The following SLC25A13 variants were observed in gnomAD, a reference collection of about 807,000 sequenced individuals.
The protein encoded by SLC25A13 is electrogenic aspartate/glutamate antiporter SLC25A13, mitochondrial.
A neutral mutation model predicts 85.5 loss-of-function variants in SLC25A13; 70 were observed. That is an observed-to-expected ratio of 0.82 (90% CI 0.68 to 1.00). The LOEUF (loss-of-function observed/expected upper bound fraction) is 1.00, where lower values mean the gene tolerates loss of function less well. Ranked by LOEUF, SLC25A13 falls within the 50% of genes least tolerant of loss-of-function variation. The pLI is 0.00. For synonymous variants in SLC25A13, 259 were observed against 288.7 expected (o/e 0.90, Z 1.04); for missense variants, 765 against 819.8 (o/e 0.93, Z 0.82).
chr7:96,230,244 T>C (rs12666465), intron 4 of SLC25A13, among the ~76,000 whole-genome samples: 82,726 of 152,100 alleles, frequency 0.54, 23,805 homozygotes, highest in Non-Finnish European at 0.63. Context: ...ACATTCTATA[T>C]AGTTCCAATT....
At chr7:96,223,309 A>G (rs1440190542) in intron 4 of SLC25A13, among the ~76,000 whole-genome samples, 1 of 152,268 alleles carries the variant, frequency 6.6e-6, no homozygotes, top group Admixed American at 6.5e-5. Context: ...CACGTAAAAC[A>G]TATTTCATGA....
chr7:96,121,797 C>G, intron 16 of SLC25A13, 42 bp downstream of exon 16: 1 of 1,614,020 alleles, frequency 6.2e-7, no homozygotes, highest in South Asian at 1.1e-5. Flanking sequence ...TAAAAATTTA[C>G]CTGATACCAA....
chr7:96,291,290 A>C (rs193177363), intron 2 of SLC25A13, among the ~76,000 whole-genome samples: 2,022 of 152,246 alleles, frequency 0.013, 40 homozygotes, highest in African/African-American at 0.047. Context: ...GTGTGTAGAG[A>C]GAAATCTATA....
intron 3 of SLC25A13, among the ~76,000 whole-genome samples, chr7:96,272,952 T>C (rs1012163586): frequency 6.6e-6 from 1 of 152,204 alleles, no homozygotes; most frequent in African/African-American, 2.4e-5. Flanking sequence ...AATATCCATG[T>C]GATCTTGACA....
chr7:96,186,665 A>G (rs1007334090), intron 9 of SLC25A13, among the ~76,000 whole-genome samples: 5 of 152,226 alleles, frequency 3.3e-5, no homozygotes, highest in South Asian at 4.1e-4. Flanking sequence ...TGATACTGTA[A>G]AAGAATATTT....
chr7:96,241,086 GAAA>G (rs1325497766), intron 3 of SLC25A13, among the ~76,000 whole-genome samples: 7 of 144,810 alleles, frequency 4.8e-5, no homozygotes, highest in Middle Eastern at 3.6e-3. Flanking sequence ...AAGAAAGAAA[GAAA>G]GAAAGAAAGA....
At chr7:96,305,759 T>A (rs1235990526) in intron 1 of SLC25A13, among the ~76,000 whole-genome samples, 1 of 152,152 alleles carries the variant, frequency 6.6e-6, no homozygotes, top group African/African-American at 2.4e-5. Flanking sequence ...AAAAGCTAAT[T>A]TAATAAATAC....
chr7:96,261,607 T>C (rs554861614), intron 3 of SLC25A13, among the ~76,000 whole-genome samples: 1 of 152,326 alleles, frequency 6.6e-6, no homozygotes, highest in African/African-American at 2.4e-5. Flanking sequence ...TTAAAATCTC[T>C]GAATCTCACT....
chr7:96,204,195 G>A (rs935651843), intron 5 of SLC25A13, among the ~76,000 whole-genome samples: 2 of 152,132 alleles, frequency 1.3e-5, no homozygotes, highest in Non-Finnish European at 2.9e-5. Context: ...TAGGTTATTG[G>A]GAGGATGCTA....
chr7:96,132,944 C>T (rs139081901), intron 14 of SLC25A13, among the ~76,000 whole-genome samples: 3 of 152,150 alleles, frequency 2.0e-5, no homozygotes, highest in Non-Finnish European at 2.9e-5. Context: ...TTTCCTGACA[C>T]GCACATTTCA....
At chr7:96,253,706 C>G (rs1041390186) in intron 3 of SLC25A13, among the ~76,000 whole-genome samples, 1 of 152,080 alleles carries the variant, frequency 6.6e-6, no homozygotes, top group Non-Finnish European at 1.5e-5. Context: ...GCAGGGAATG[C>G]AGAACATAGG....
At chr7:96,172,108 A>T (rs1584407105) in intron 11 of SLC25A13, among the ~76,000 whole-genome samples, 1 of 152,106 alleles carries the variant, frequency 6.6e-6, no homozygotes, top group African/African-American at 2.4e-5. Flanking sequence ...AAGAAAGTCC[A>T]CTCACAGCCT....
chr7:96,153,898 T>C (rs1046919741), intron 13 of SLC25A13, among the ~76,000 whole-genome samples: 11 of 152,210 alleles, frequency 7.2e-5, no homozygotes, highest in Non-Finnish European at 1.5e-4. Context: ...ACATGAAATA[T>C]ATAGGATCAA....
At chr7:96,287,428 T>C (rs991444506) in intron 2 of SLC25A13, among the ~76,000 whole-genome samples, 10 of 152,158 alleles carry the variant, frequency 6.6e-5, no homozygotes, top group Non-Finnish European at 1.3e-4. Flanking sequence ...TCCCCATTTA[T>C]ACCAAAGATT....
At chr7:96,176,563 G>A (rs1794230506) in intron 11 of SLC25A13, among the ~76,000 whole-genome samples, 1 of 152,176 alleles carries the variant, frequency 6.6e-6, no homozygotes, top group South Asian at 2.1e-4. Context: ...TTCATGGGTT[G>A]GAGATATAAA....
chr7:96,206,025 G>C (rs954561407), intron 5 of SLC25A13, among the ~76,000 whole-genome samples: 2 of 152,194 alleles, frequency 1.3e-5, no homozygotes, highest in African/African-American at 4.8e-5. Context: ...ATAAGCACAG[G>C]TAATGTGCTG....
rs1018389121 is a variant in SLC25A13, at chr7:96,257,915, G to A, written c.212+19281C>T. On this transcript the variant is annotated intron_variant, in intron 3 of 17. Coordinates refer to ENST00000265631, the MANE Select transcript of SLC25A13 (RefSeq NM_014251.3). ...GGGATGCAAGGCTGGTTCAACATAC[G>A]TGATAATCAATAAACGTAATTCATC... 3.0e-4 allele frequency among the ~76,000 whole-genome samples: 45 copies of A among 152,130 alleles called. 1 individual carries two copies. Among genetic ancestry groups the A allele is most frequent in the African/African-American group, 8.7e-4 (36 of 41,526 alleles).
intron 4 of SLC25A13, chr7:96,219,697 C>G: frequency 1.9e-6 from 1 of 534,654 alleles, no homozygotes; most frequent in South Asian, 1.4e-5. Context: ...AGGGAGTCCA[C>G]AGTTAACCAA....
intron 1 of SLC25A13, among the ~76,000 whole-genome samples, chr7:96,307,123 A>G (rs994414897): frequency 7.1e-6 from 1 of 140,792 alleles, no homozygotes; most frequent in Admixed American, 7.4e-5. Flanking sequence ...TAAAAGTATA[A>G]AGGTAGCTTT....
Sources: allele counts gnomAD v4.1 joint callset (sites outside exome capture counted in the v4.1 genomes callset), GRCh38; gene constraint gnomAD v4.1.1; transcripts MANE v1.5; gene names NCBI Gene and HGNC (gene_info 2026-07-23, HGNC 2026-07-21).